KIAA0825: variants seen among roughly 807,000 people sequenced by gnomAD.
The protein encoded by KIAA0825 is uncharacterized protein KIAA0825.
A neutral mutation model predicts 147.6 loss-of-function variants in KIAA0825; 119 were observed. The observed-to-expected ratio is 0.81, with a 90% confidence interval of 0.69 to 0.94. The LOEUF is 0.94. Among genes scored for constraint, KIAA0825 ranks in the 40% least tolerant of loss-of-function variants. The pLI, the probability that KIAA0825 is intolerant of heterozygous loss-of-function variation, is 0.00. For missense variants in KIAA0825, 1,381 were observed against 1,472.7 expected, an observed-to-expected ratio of 0.94 and a Z score of 1.02; for synonymous variants, 470 against 518.1, an observed-to-expected ratio of 0.91 and a Z score of 1.26.
intron 20 of KIAA0825, among the ~76,000 whole-genome samples, chr5:94,372,960 A>G (rs1746941611): frequency 6.6e-6 from 1 of 152,194 alleles, no homozygotes; most frequent in Non-Finnish European, 1.5e-5. Context: ...TCTCTAGGGC[A>G]GGGGAAAAAG....
At chr5:94,251,265 T>G (rs1469745061) in intron 20 of KIAA0825, among the ~76,000 whole-genome samples, 1 of 152,104 alleles carries the variant, frequency 6.6e-6, no homozygotes, top group Non-Finnish European at 1.5e-5. Context: ...AAAGAACATC[T>G]TAATATAATG....
chr5:94,155,267 G>C (rs1461561612), intron 20 of KIAA0825, among the ~76,000 whole-genome samples: 1 of 148,732 alleles, frequency 6.7e-6, no homozygotes, highest in Non-Finnish European at 1.5e-5. Context: ...ACCCAGGCTG[G>C]AGTGCAGTGG....
chr5:94,238,809 C>G (rs2150100546), intron 20 of KIAA0825, among the ~76,000 whole-genome samples: 1 of 152,154 alleles, frequency 6.6e-6, no homozygotes, highest in South Asian at 2.1e-4. Flanking sequence ...AGAGAAATTA[C>G]ATAGCTTAGG....
chr5:94,232,821 A>C (rs573172831), intron 20 of KIAA0825, among the ~76,000 whole-genome samples: 135 of 152,286 alleles, frequency 8.9e-4, no homozygotes, highest in African/African-American at 3.1e-3. Context: ...AAAAATTCAT[A>C]CAGATATATT....
At chr5:94,440,471 T>C (rs1233047524) in intron 13 of KIAA0825, among the ~76,000 whole-genome samples, 1 of 152,192 alleles carries the variant, frequency 6.6e-6, no homozygotes, top group Non-Finnish European at 1.5e-5. Context: ...AATATATCAA[T>C]GCCTACTATG....
At chr5:94,589,841 T>TA (rs55935861) in intron 1 of KIAA0825, among the ~76,000 whole-genome samples, 37,693 of 141,770 alleles carry the variant, frequency 0.27, 5,212 homozygotes, top group African/African-American at 0.33. Flanking sequence ...TGTCTCACTT[T>TA]AAAAAAAAAA....
At chr5:94,288,069 C>T (rs540544300) in intron 20 of KIAA0825, among the ~76,000 whole-genome samples, 2 of 152,230 alleles carry the variant, frequency 1.3e-5, no homozygotes, top group South Asian at 4.1e-4. Flanking sequence ...AAAAGACATC[C>T]TCTGGAAAAA....
chr5:94,531,789 G>A lies in KIAA0825; in HGVS notation c.131+5207C>T, dbSNP rs545291591. Among the ~76,000 whole-genome samples, 18 of 152,248 alleles carry A rather than the reference G, an allele frequency of 1.2e-4. No homozygotes were observed. In the South Asian group the frequency reaches 3.7e-3, roughly 32 times the overall value. Reference sequence around the variant, plus strand: ...TGCAAACACAAGAAGTTACAAAAACGATTGCAAACATTAATTTGCATCTTC... The same window carrying A: ...TGCAAACACAAGAAGTTACAAAAACAATTGCAAACATTAATTTGCATCTTC... On this transcript the variant is annotated intron_variant, in intron 3 of 20. Transcript: ENST00000682413.
chr5:94,161,021 T>G (rs1490138408), intron 20 of KIAA0825, among the ~76,000 whole-genome samples: 1 of 152,146 alleles, frequency 6.6e-6, no homozygotes, highest in Non-Finnish European at 1.5e-5. Flanking sequence ...CACAAAGTAT[T>G]TTATGCCACG....
intron 1 of KIAA0825, among the ~76,000 whole-genome samples, chr5:94,585,853 G>T (rs764073771): frequency 1.3e-5 from 2 of 152,134 alleles, no homozygotes; most frequent in South Asian, 2.1e-4. Context: ...CCACACCACA[G>T]TGCAATCAAA....
At chr5:94,582,757 A>G (rs1782441188) in intron 1 of KIAA0825, among the ~76,000 whole-genome samples, 174 bp from the exon 2 acceptor site, 1 of 152,186 alleles carries the variant, frequency 6.6e-6, no homozygotes, top group Admixed American at 6.5e-5. Context: ...TTACATACAT[A>G]AGAAAAGCTT....
At chr5:94,594,334 C>A in intron 1 of KIAA0825, 1 of 686,382 alleles carries the variant, frequency 1.5e-6, no homozygotes, top group East Asian at 3.3e-5. Context: ...AAAGGTATTG[C>A]TGGCATGAAT....
At chr5:94,458,906 A>G (rs1485428287) in intron 12 of KIAA0825, among the ~76,000 whole-genome samples, 3 of 151,978 alleles carry the variant, frequency 2.0e-5, no homozygotes, top group Non-Finnish European at 4.4e-5. Context: ...GAGCTGCATA[A>G]CCTCCTAAGT....
intron 20 of KIAA0825, among the ~76,000 whole-genome samples, chr5:94,260,358 A>C (rs1282433305): frequency 3.3e-5 from 5 of 152,130 alleles, no homozygotes; most frequent in Non-Finnish European, 7.4e-5. Context: ...TATTAGTCAC[A>C]CTTTGTGGAT....
At chr5:94,549,941 CAAA>C (rs1775193580) in intron 2 of KIAA0825, among the ~76,000 whole-genome samples, 1 of 151,494 alleles carries the variant, frequency 6.6e-6, no homozygotes. Flanking sequence ...GAAACTGAAA[CAAA>C]GAAAACAATA....
At chr5:94,534,546 G>T (rs1402845180) in intron 3 of KIAA0825, among the ~76,000 whole-genome samples, 8 of 151,914 alleles carry the variant, frequency 5.3e-5, no homozygotes, top group Non-Finnish European at 8.8e-5. Flanking sequence ...TAATATATGG[G>T]CAATAAAATA....
At chr5:94,594,271 G>A (rs1784870602) in intron 1 of KIAA0825, 2 of 626,528 alleles carry the variant, frequency 3.2e-6, no homozygotes, top group African/African-American at 1.8e-5. Context: ...TGCTTGGAAT[G>A]CCCTGAGTTT....
At chr5:94,495,893 G>A (rs1192031222) in intron 5 of KIAA0825, among the ~76,000 whole-genome samples, 1 of 152,188 alleles carries the variant, frequency 6.6e-6, no homozygotes, top group Non-Finnish European at 1.5e-5. Context: ...GTTTTTATTT[G>A]AGTATATAGA....
intron 12 of KIAA0825, among the ~76,000 whole-genome samples, chr5:94,457,930 C>T (rs1226132379): frequency 6.6e-6 from 1 of 152,122 alleles, no homozygotes; most frequent in Non-Finnish European, 1.5e-5. Context: ...GTCATCTGTG[C>T]CTGCCATGGT....
Sources: allele counts gnomAD v4.1 joint callset (sites outside exome capture counted in the v4.1 genomes callset), GRCh38; gene constraint gnomAD v4.1.1; transcripts MANE v1.5; gene names NCBI Gene and HGNC (gene_info 2026-07-23, HGNC 2026-07-21).